Variants in PDE1C observed in about 807,000 individuals in gnomAD.
PDE1C encodes phosphodiesterase 1C.
PDE1C carries 62 observed loss-of-function variants against 93.1 expected under a neutral mutation model. The ratio of observed to expected loss-of-function variants is 0.67; its 90% confidence interval spans 0.54 to 0.82. PDE1C has a LOEUF of 0.82. PDE1C is among the 40% of genes least tolerant of loss of function. The pLI is 0.00. For synonymous variants in PDE1C, 325 were observed against 310.1 expected, an observed-to-expected ratio of 1.05 and a Z score of -0.50; for missense variants, 742 against 884.6, an observed-to-expected ratio of 0.84 and a Z score of 2.04.
intron 2 of PDE1C, among the ~76,000 whole-genome samples, chr7:31,914,598 C>CT (rs1801648791): frequency 2.0e-5 from 3 of 152,070 alleles, no homozygotes; most frequent in South Asian, 4.1e-4. Flanking sequence ...AAATTGATTC[C>CT]TTTTTTCCTA....
At chr7:32,012,154 A>G (rs1170723557) in intron 2 of PDE1C, among the ~76,000 whole-genome samples, 2 of 152,146 alleles carry the variant, frequency 1.3e-5, no homozygotes, top group Non-Finnish European at 2.9e-5. Context: ...TAAAGAAAAG[A>G]GGTTTAGCTG....
At chr7:31,986,682 G>A (rs1027470564) in intron 2 of PDE1C, among the ~76,000 whole-genome samples, 1 of 152,038 alleles carries the variant, frequency 6.6e-6, no homozygotes, top group Non-Finnish European at 1.5e-5. Context: ...TATCAAGATT[G>A]CCAGGAGCCA....
chr7:31,661,707 T>C, the PDE1C span, among the ~76,000 whole-genome samples: 2 of 152,294 alleles, frequency 1.3e-5, no homozygotes, highest in African/African-American at 4.8e-5. Context: ...AGAGTGAAAC[T>C]CCGTCTCAAA....
At chr7:32,422,224 G>A (rs1401660370) in intron 1 of PDE1C, among the ~76,000 whole-genome samples, 1 of 152,184 alleles carries the variant, frequency 6.6e-6, no homozygotes, top group Non-Finnish European at 1.5e-5. Flanking sequence ...CACGTTGCAG[G>A]TGCTACAAAT....
At chr7:32,337,930 A>C (rs215664) in intron 1 of PDE1C, among the ~76,000 whole-genome samples, 145,131 of 152,218 alleles carry the variant, frequency 0.95, 69,380 homozygotes, top group East Asian at 1. Flanking sequence ...ATTCACATGA[A>C]AACACATGAA....
Position 31,861,150 on chromosome 7 carries a change from AT to A in PDE1C, c.750+3791del, listed in dbSNP as rs138003133. ...GTCCTTATCTTACTTGACCATCGGC[AT>A]GTCCCATGCAATGCACCACTCTCTT... On this transcript the variant is annotated intron_variant, in intron 7 of 17. Transcript: ENST00000396191. Among the ~76,000 whole-genome samples, 187 of 152,224 alleles carry A rather than the reference AT, an allele frequency of 1.2e-3. 2 individuals are homozygous for A. In the East Asian group the frequency reaches 0.033, roughly 27 times the overall value.
At chr7:32,154,771 G>C (rs1187491218) in intron 3 of PDE1C, among the ~76,000 whole-genome samples, 1 of 152,220 alleles carries the variant, frequency 6.6e-6, no homozygotes. Flanking sequence ...GCAGAGAAAG[G>C]GCTCTGGTGA....
intron 2 of PDE1C, among the ~76,000 whole-genome samples, chr7:31,934,406 G>A (rs192032964): frequency 2.6e-5 from 4 of 152,046 alleles, no homozygotes; most frequent in Admixed American, 2.0e-4. Context: ...ACAATAACAC[G>A]ATATTAATGT....
At chr7:32,174,778 A>G (rs1231045347) in intron 2 of PDE1C, among the ~76,000 whole-genome samples, 4 of 152,182 alleles carry the variant, frequency 2.6e-5, no homozygotes, top group African/African-American at 9.6e-5. Context: ...TTCAGAAAGG[A>G]GACTGGTGTG....
chr7:31,915,938 T>C (rs1259111939), intron 2 of PDE1C, among the ~76,000 whole-genome samples: 3 of 152,098 alleles, frequency 2.0e-5, no homozygotes, highest in African/African-American at 4.8e-5. Flanking sequence ...GACAAAAAGG[T>C]ATGATCTAAT....
At chr7:31,680,231 T>C in the PDE1C span, among the ~76,000 whole-genome samples, 1 of 152,184 alleles carries the variant, frequency 6.6e-6, no homozygotes, top group Non-Finnish European at 1.5e-5. Context: ...TTTCATACAA[T>C]TGCCAGATGT....
At chr7:32,365,858 CTG>C in intron 1 of PDE1C, among the ~76,000 whole-genome samples, 1 of 152,154 alleles carries the variant, frequency 6.6e-6, no homozygotes, top group East Asian at 1.9e-4. Context: ...GATTACACGA[CTG>C]TGTCCACCCA....
At chr7:32,180,899 T>C (rs1172471831) in intron 2 of PDE1C, among the ~76,000 whole-genome samples, 2 of 152,224 alleles carry the variant, frequency 1.3e-5, no homozygotes, top group Non-Finnish European at 2.9e-5. Flanking sequence ...GAATGGACTG[T>C]GTCCCATCTT....
chr7:31,640,642 CTT>C, the PDE1C span, among the ~76,000 whole-genome samples: 68 of 147,224 alleles, frequency 4.6e-4, 1 homozygote, highest in East Asian at 9.8e-3. Context: ...TCTCGAAAAA[CTT>C]TTTTTTTTTT....
chr7:32,376,696 C>T (rs549424464), intron 1 of PDE1C, among the ~76,000 whole-genome samples: 1 of 151,700 alleles, frequency 6.6e-6, no homozygotes, highest in South Asian at 2.1e-4. Context: ...TTTCCCCTTT[C>T]TTTTTTTTTG....
At chr7:31,851,590 T>C (rs1174164957) in intron 7 of PDE1C, among the ~76,000 whole-genome samples, 1 of 152,266 alleles carries the variant, frequency 6.6e-6, no homozygotes, top group Non-Finnish European at 1.5e-5. Flanking sequence ...AGAATATGCC[T>C]GACTCAGGCC....
chr7:31,630,865 C>T, the PDE1C span, among the ~76,000 whole-genome samples: 2 of 151,854 alleles, frequency 1.3e-5, no homozygotes, highest in East Asian at 1.9e-4. Flanking sequence ...GGAATTACAA[C>T]ATTATTAGAT....
rs562095911 is a variant in PDE1C at position 32,017,239 on chromosome 7, G to A, written c.128+34315C>T. On this transcript the variant is annotated intron_variant, in intron 2 of 17. Transcript: ENST00000396191. Reference sequence around the variant, plus strand: ...GACAAGAGTGCCAAGATAATTCAATGAGAAAATAATGGTCTTTTCAAGAAA... The same window carrying A: ...GACAAGAGTGCCAAGATAATTCAATAAGAAAATAATGGTCTTTTCAAGAAA... 8.5e-5 allele frequency among the ~76,000 whole-genome samples: 13 copies of A among 152,260 alleles called. No homozygotes were observed. In the South Asian group the frequency reaches 2.5e-3, roughly 29 times the overall value.
chr7:31,854,761 T>C (rs1793781020), intron 7 of PDE1C, among the ~76,000 whole-genome samples: 1 of 152,114 alleles, frequency 6.6e-6, no homozygotes, highest in African/African-American at 2.4e-5. Context: ...ATGCTCAGTC[T>C]TGGAGGCTTA....
Sources: allele counts gnomAD v4.1 joint callset (sites outside exome capture counted in the v4.1 genomes callset), GRCh38; gene constraint gnomAD v4.1.1; transcripts MANE v1.5; gene names NCBI Gene and HGNC (gene_info 2026-07-23, HGNC 2026-07-21).